RASGRP3: variants seen among roughly 807,000 people sequenced by gnomAD.
RASGRP3 encodes RAS guanyl releasing protein 3.
A neutral mutation model predicts 82.7 loss-of-function variants in RASGRP3; 54 were observed. The ratio of observed to expected loss-of-function variants is 0.65; its 90% CI spans 0.52 to 0.82. RASGRP3 has a LOEUF of 0.82. Ranked by LOEUF, RASGRP3 falls within the 40% of genes least tolerant of loss-of-function variation. The pLI is 0.00. For missense variants in RASGRP3, 861 were observed against 828.9 expected, an observed-to-expected ratio of 1.04 and a Z score of -0.48; for synonymous variants, 309 against 300.5, an observed-to-expected ratio of 1.03 and a Z score of -0.29.
At chr2:33,481,242 A>T (rs889059390) in intron 1 of RASGRP3, 1 of 152,228 alleles carries the variant, frequency 6.6e-6, no homozygotes, top group African/African-American at 2.4e-5. Flanking sequence ...GCTCACTGCA[A>T]GCTCCGCCTC....
At chr2:33,470,321 T>C (rs1000397162) in intron 2 of RASGRP3, among the ~76,000 whole-genome samples, 1 of 152,138 alleles carries the variant, frequency 6.6e-6, no homozygotes, top group African/African-American at 2.4e-5. Context: ...TATTCACTTT[T>C]TTTATTCCTA....
At chr2:33,527,081 G>A (rs959640519) in intron 9 of RASGRP3, 56 bp from the exon 10 acceptor site, 324 of 1,578,994 alleles carry the variant, frequency 2.1e-4, no homozygotes, top group Non-Finnish European at 2.6e-4. Flanking sequence ...TGCAGGGCCC[G>A]GGGGTGTGCA....
intron 2 of RASGRP3, among the ~76,000 whole-genome samples, chr2:33,457,327 A>G (rs928414698): frequency 1.3e-5 from 2 of 151,900 alleles, no homozygotes; most frequent in South Asian, 4.2e-4. Context: ...TTTTTTCTTC[A>G]AAGTGGATAT....
chr2:33,454,613 T>C (rs1033043420), intron 2 of RASGRP3, among the ~76,000 whole-genome samples: 10 of 152,166 alleles, frequency 6.6e-5, no homozygotes, highest in African/African-American at 2.4e-4. Flanking sequence ...GATCAAAGGG[T>C]TTTTGCCCAA....
chr2:33,490,300 A>T (rs113850336), intron 1 of RASGRP3, among the ~76,000 whole-genome samples: 7 of 151,980 alleles, frequency 4.6e-5, no homozygotes, highest in African/African-American at 1.4e-4. Context: ...TTCTAAACAA[A>T]CTTGTTGAGC....
At chr2:33,485,409 C>G (rs956977212) in intron 1 of RASGRP3, among the ~76,000 whole-genome samples, 3 of 152,210 alleles carry the variant, frequency 2.0e-5, no homozygotes, top group Non-Finnish European at 4.4e-5. Flanking sequence ...AGAACACACT[C>G]AGTTTTTATT....
chr2:33,470,372 A>G lies in RASGRP3; in HGVS notation c.-261+22429A>G, dbSNP rs76150988. On this transcript the variant is annotated intron_variant, in intron 2 of 18. Coordinates refer to the RASGRP3 transcript ENST00000402538. ...TTGTTGCTATTATAAATAATACTATAACTAAGAATTTTTTTTTTTTTTTTT... is the reference window on the plus strand; with the variant it reads ...TTGTTGCTATTATAAATAATACTATGACTAAGAATTTTTTTTTTTTTTTTT... Among the ~76,000 whole-genome samples, 681 of 134,278 alleles carry G rather than the reference A, an allele frequency of 5.1e-3. 4 individuals are homozygous for G. Among genetic ancestry groups the G allele is most frequent in the African/African-American group, 0.018 (648 of 35,312 alleles). The allele number at this position is 134,278 out of a possible 152,430, so 88.1% of individuals were successfully genotyped here.
At chr2:33,533,948 A>T (rs1282227688) in intron 10 of RASGRP3, 1 of 188,298 alleles carries the variant, frequency 5.3e-6, no homozygotes, top group African/African-American at 2.3e-5. Flanking sequence ...TTATTTCAAC[A>T]GTTCTTTAAT....
rs1400970506 is a variant in RASGRP3 at position 33,444,718 on chromosome 2, T to C, written c.-384-3102T>C. Among the ~76,000 whole-genome samples the C allele has an allele frequency of 2.0e-5, 3 of 152,246 alleles. No homozygotes were observed. In the East Asian group the frequency reaches 5.8e-4, roughly 29 times the overall value. ...CCAAGGACTGGCAGTTTTGGAGATT[T>C]GGCTTATTAGAATGATTCAGCTCTT... On this transcript the variant is annotated intron_variant, in intron 1 of 18. Coordinates refer to the RASGRP3 transcript ENST00000402538.
At chr2:33,550,598 T>G (rs17597696) in intron 14 of RASGRP3, among the ~76,000 whole-genome samples, 21,224 of 152,156 alleles carry the variant, frequency 0.14, 2,024 homozygotes, top group Non-Finnish European at 0.18. Flanking sequence ...ATGGGAAATG[T>G]GGTATTCCAG....
At chr2:33,477,557 A>C (rs1667486669) in intron 1 of RASGRP3, among the ~76,000 whole-genome samples, 1 of 152,216 alleles carries the variant, frequency 6.6e-6, no homozygotes. Flanking sequence ...CTGGCATCCA[A>C]ATTACGGAGA....
At chr2:33,508,448 AGG>A (rs563378896) in intron 1 of RASGRP3, among the ~76,000 whole-genome samples, 53 of 152,310 alleles carry the variant, frequency 3.5e-4, no homozygotes, top group South Asian at 3.1e-3. Flanking sequence ...ATCCATGCAC[AGG>A]TGGAGGGATT....
At chr2:33,542,003 C>CTGA (rs1364520423) in intron 12 of RASGRP3, among the ~76,000 whole-genome samples, 5 of 146,770 alleles carry the variant, frequency 3.4e-5, no homozygotes, top group African/African-American at 1.2e-4. Context: ...CTTTGGGAGG[C>CTGA]TGATGCAGGA....
At chr2:33,551,967 T>A (rs1257772948) in intron 14 of RASGRP3, among the ~76,000 whole-genome samples, 1 of 152,156 alleles carries the variant, frequency 6.6e-6, no homozygotes, top group Non-Finnish European at 1.5e-5. Context: ...CACTCCAGCC[T>A]GGGCGACAGA....
Position 33,522,041 on chromosome 2 carries a change from A to G in RASGRP3, c.455A>G (p.Glu152Gly). Residue 152 changes from glutamate (E) to glycine (G), a missense_variant, in exon 7 of 18, where the codon GAG (glutamate) becomes GGG (glycine). Glu to Gly is a moderately conservative substitution (Grantham distance 98). Transcript: ENST00000403687. ...GCCTGTCTGCTGTTTGACCATCTGG[A>G]GCCCATTGAATTGGCTGAGCACCTC... ...GKACLLFDHL[E>G]PIELAEHLTF... is the part of the protein sequence containing the mutation. 6.2e-7 allele frequency: 1 copy of G among 1,613,924 alleles called. No homozygotes were observed. Among genetic ancestry groups the G allele is most frequent in the Admixed American group, 1.7e-5 (1 of 60,010 alleles).
intron 2 of RASGRP3, among the ~76,000 whole-genome samples, chr2:33,460,516 A>T (rs1173919699): frequency 2.8e-5 from 4 of 140,664 alleles, no homozygotes; most frequent in East Asian, 4.1e-4. Context: ...TTTAGATATA[A>T]TTTTTTTTTT....
rs908684468 is a variant in RASGRP3, at chr2:33,547,073, A to AAG, written c.1395-2521_1395-2520dup. ...TCAGGGAAAAAAAAAAAAAAAAAAAAAGAGAGAGAGAATGAGATCATGTGT... is the reference window on the plus strand; with the variant it reads ...TCAGGGAAAAAAAAAAAAAAAAAAAAAGAGAGAGAGAGAATGAGATCATGTGT... On this transcript the variant is annotated intron_variant, in intron 13 of 17. Transcript: ENST00000403687. Among the ~76,000 whole-genome samples the AAG allele has an allele frequency of 2.4e-4, 34 of 138,892 alleles. 2 individuals are homozygous for AAG. The highest frequency in any genetic ancestry group is 1.4e-3 in the South Asian group (6 of 4,412). 91.1% of individuals were successfully genotyped at this position (138,892 alleles called of 152,430 possible). A position where few individuals can be genotyped will look rare whatever the true frequency, so the allele number is the denominator to read the frequency against.
intron 1 of RASGRP3, among the ~76,000 whole-genome samples, chr2:33,499,995 C>A (rs1000838880): frequency 6.6e-6 from 1 of 152,104 alleles, no homozygotes; most frequent in East Asian, 1.9e-4. Context: ...GAAGTCAGTA[C>A]ACTGAGTGCC....
chr2:33,520,083 C>A (rs1359787336), intron 5 of RASGRP3, 69 bp downstream of exon 5: 40 of 1,299,176 alleles, frequency 3.1e-5, no homozygotes, highest in Non-Finnish European at 4.0e-5. Flanking sequence ...TTCCTTTTCC[C>A]CAAGCTGCAG....
Sources: allele counts gnomAD v4.1 joint callset (sites outside exome capture counted in the v4.1 genomes callset), GRCh38; gene constraint gnomAD v4.1.1; transcripts MANE v1.5; gene names NCBI Gene and HGNC (gene_info 2026-07-23, HGNC 2026-07-21).